MMP16: variants seen among roughly 807,000 people sequenced by gnomAD.
MMP16 encodes matrix metalloproteinase-16.
In MMP16, 12 loss-of-function variants were observed where a neutral mutation model predicts 67.8. The ratio of observed to expected loss-of-function variants is 0.18; its 90% CI spans 0.11 to 0.29. The LOEUF (loss-of-function observed/expected upper bound fraction) is 0.29, where lower values mean the gene tolerates loss of function less well. Among genes scored for constraint, MMP16 ranks in the 10% least tolerant of loss-of-function variants. The pLI is 1.00. For synonymous variants in MMP16, 249 were observed against 255.9 expected (o/e 0.97, Z 0.26); for missense variants, 475 against 765.7 (o/e 0.62, Z 4.48).
At chr8:88,125,722 C>T (rs1807920367) in intron 4 of MMP16, among the ~76,000 whole-genome samples, 1 of 151,898 alleles carries the variant, frequency 6.6e-6, no homozygotes, top group Admixed American at 6.6e-5. Flanking sequence ...TAGTTAATTG[C>T]ACCATGCTAA....
At chr8:88,047,183 T>C (rs1265451710) in intron 8 of MMP16, among the ~76,000 whole-genome samples, 2 of 152,206 alleles carry the variant, frequency 1.3e-5, no homozygotes, top group African/African-American at 4.8e-5. Context: ...AAACCTTTCT[T>C]AGGAAGCAGA....
At chr8:88,226,377 A>G (rs1256328603) in intron 1 of MMP16, among the ~76,000 whole-genome samples, 1 of 152,016 alleles carries the variant, frequency 6.6e-6, no homozygotes, top group Non-Finnish European at 1.5e-5. Context: ...TTATAACCCT[A>G]TGGGGCAGGT....
At chr8:88,194,386 T>C (rs1006132991) in intron 2 of MMP16, among the ~76,000 whole-genome samples, 1 of 152,174 alleles carries the variant, frequency 6.6e-6, no homozygotes, top group African/African-American at 2.4e-5. Context: ...AAGTGTCAGA[T>C]AAAAATTCAT....
At chr8:88,122,177 T>C (rs1276257660) in intron 4 of MMP16, among the ~76,000 whole-genome samples, 1 of 152,092 alleles carries the variant, frequency 6.6e-6, no homozygotes, top group East Asian at 1.9e-4. Context: ...TATGTTTCAA[T>C]GAATTACAGT....
intron 1 of MMP16, among the ~76,000 whole-genome samples, chr8:88,245,085 T>C (rs1197097055): frequency 6.6e-6 from 1 of 152,162 alleles, no homozygotes; most frequent in Non-Finnish European, 1.5e-5. Flanking sequence ...CTCTATTCCT[T>C]CTTTGCCATG....
intron 1 of MMP16, among the ~76,000 whole-genome samples, chr8:88,302,186 C>G (rs867504362): frequency 1.3e-5 from 2 of 152,158 alleles, no homozygotes; most frequent in African/African-American, 4.8e-5. Flanking sequence ...TAGTTAAGAT[C>G]CTAGCATGGA....
chr8:88,197,079 G>A, intron 2 of MMP16, 79 bp downstream of exon 2: 1 of 1,357,276 alleles, frequency 7.4e-7, no homozygotes, highest in Non-Finnish European at 1.0e-6. Flanking sequence ...TCTGGTTGGT[G>A]GAGTTCATAT....
At chr8:88,102,279 A>T (rs1301422192) in intron 6 of MMP16, among the ~76,000 whole-genome samples, 1 of 151,868 alleles carries the variant, frequency 6.6e-6, no homozygotes, top group African/African-American at 2.4e-5. Flanking sequence ...ACTGGCCTCA[A>T]GTTAGGTCTC....
At chr8:88,260,929 T>C (rs548296009) in intron 1 of MMP16, among the ~76,000 whole-genome samples, 2 of 152,280 alleles carry the variant, frequency 1.3e-5, no homozygotes, top group Non-Finnish European at 2.9e-5. Flanking sequence ...TATACATGGC[T>C]TCTAATATAT....
intron 4 of MMP16, among the ~76,000 whole-genome samples, chr8:88,160,394 C>G (rs1203672309): frequency 6.6e-6 from 1 of 151,794 alleles, no homozygotes; most frequent in Non-Finnish European, 1.5e-5. Context: ...GGGTTGGTTC[C>G]AAGTCTTTGC....
In MMP16 at chr8:88,034,102, C is replaced by T. The variant is rs762909663; in HGVS notation, c.*7359G>A. ...TGAGAGAGGTTGGGATGTATGTCAA[C>T]TTTGCTGGGACTGTCTTTGCATGGA... On this transcript the variant is annotated 3_prime_UTR_variant, in exon 10 of 10. Coordinates refer to ENST00000286614, the MANE Select transcript of MMP16 (RefSeq NM_005941.5). 1 of 151,922 alleles carries T rather than the reference C, an allele frequency of 6.6e-6. No homozygotes were observed. Among genetic ancestry groups the T allele is most frequent in the Non-Finnish European group, 1.5e-5 (1 of 67,938 alleles). The allele number at this position is 151,922 out of a possible 1,614,324, so 9.4% of individuals were successfully genotyped here. A position where few individuals can be genotyped will look rare whatever the true frequency, so the allele number is the denominator to read the frequency against.
chr8:88,138,953 T>C (rs1808167807), intron 4 of MMP16, among the ~76,000 whole-genome samples: 1 of 152,168 alleles, frequency 6.6e-6, no homozygotes, highest in African/African-American at 2.4e-5. Context: ...AATCACTTTT[T>C]TGACTTTGCC....
intron 4 of MMP16, among the ~76,000 whole-genome samples, chr8:88,150,829 A>T (rs1808392629): frequency 6.6e-6 from 1 of 150,630 alleles, no homozygotes; most frequent in Admixed American, 6.6e-5. Flanking sequence ...ACCAGCTAAC[A>T]TCATAATGAC....
chr8:88,038,448 G>A lies in MMP16; in HGVS notation c.*3013C>T, dbSNP rs1367608768. On this transcript the variant is annotated 3_prime_UTR_variant, in exon 10 of 10. Coordinates refer to ENST00000286614, the MANE Select transcript of MMP16 (RefSeq NM_005941.5). This position sits in a 1 kb window ranked among gnomAD's most constrained non-coding sequence, Gnocchi z 4.1. ...CCTTATATACTGATAGCCTTATGACGAATCAGGATATTGTGATGAATGAGT... is the reference window on the plus strand; with the variant it reads ...CCTTATATACTGATAGCCTTATGACAAATCAGGATATTGTGATGAATGAGT... 1.3e-5 allele frequency: 2 copies of A among 152,260 alleles called. No homozygotes were observed. Among genetic ancestry groups the A allele is most frequent in the Non-Finnish European group, 1.5e-5 (1 of 67,928 alleles). The allele number at this position is 152,260 out of a possible 1,614,324, so 9.4% of individuals were successfully genotyped here.
chr8:88,292,796 C>T (rs1810946203), intron 1 of MMP16, among the ~76,000 whole-genome samples: 1 of 152,078 alleles, frequency 6.6e-6, no homozygotes, highest in Admixed American at 6.6e-5. Flanking sequence ...GAACATTTAA[C>T]AAGAAATTAT....
At chr8:88,068,058 A>G (rs1808485145) in intron 7 of MMP16, among the ~76,000 whole-genome samples, 1 of 152,138 alleles carries the variant, frequency 6.6e-6, no homozygotes, top group Non-Finnish European at 1.5e-5. Flanking sequence ...GTTCCTTCAT[A>G]ATCCTGCCAA....
At chr8:88,088,553 T>C (rs1808882135) in intron 6 of MMP16, among the ~76,000 whole-genome samples, 1 of 152,040 alleles carries the variant, frequency 6.6e-6, no homozygotes, top group Non-Finnish European at 1.5e-5. Context: ...CCCTGAAAGA[T>C]TCCTAAGTGA....
intron 1 of MMP16, among the ~76,000 whole-genome samples, chr8:88,282,999 G>A (rs1334612247): frequency 1.3e-5 from 2 of 152,030 alleles, no homozygotes; most frequent in African/African-American, 2.4e-5. Context: ...TCAACGTGAT[G>A]TGGTATTGAT....
chr8:88,254,228 A>C (rs1054434979), intron 1 of MMP16, among the ~76,000 whole-genome samples: 7 of 152,170 alleles, frequency 4.6e-5, no homozygotes, highest in Non-Finnish European at 7.4e-5. Flanking sequence ...TAAATACTGC[A>C]TGTTCCTGCT....
Sources: gnomAD v4.1 joint callset for allele counts (sites outside exome capture counted in the v4.1 genomes callset) on GRCh38, gnomAD v4.1.1 for gene constraint, Gnocchi (gnomAD v3.1) non-coding constraint, MANE v1.5 for transcripts, NCBI Gene and HGNC (gene_info 2026-07-23, HGNC 2026-07-21) for gene names.